Variants in GTF2H5 observed in about 807,000 individuals in gnomAD.
The protein encoded by GTF2H5 is general transcription factor IIH subunit 5, also known as TFB5 ortholog.
GTF2H5 carries 5 observed loss-of-function variants against 7.1 expected under a neutral mutation model. The ratio of observed to expected loss-of-function variants is 0.71; its 90% CI spans 0.37 to 1.49. GTF2H5 has a LOEUF of 1.49. Ranked by LOEUF, GTF2H5 falls within the 40% of genes most tolerant of loss-of-function variation. GTF2H5 has a pLI of 0.03. For missense variants in GTF2H5, 80 were observed against 83.0 expected, an observed-to-expected ratio of 0.96 and a Z score of 0.14; for synonymous variants, 30 against 31.7, an observed-to-expected ratio of 0.95 and a Z score of 0.18.
At chr6:158,169,778 T>C (rs367584881) in intron 1 of GTF2H5, among the ~76,000 whole-genome samples, 1 of 103,830 alleles carries the variant, frequency 9.6e-6, no homozygotes, top group Non-Finnish European at 1.8e-5. Context: ...ATATAATATA[T>C]TGTATATTAT....
rs1785765064 is a variant in GTF2H5 at position 158,169,579 on chromosome 6, ATATAT to A, written c.-34-890_-34-886del. On this transcript the variant is annotated intron_variant, in intron 1 of 2. Coordinates refer to ENST00000607778, the MANE Select transcript of GTF2H5 (RefSeq NM_207118.3). ...TATTATATATAATATATTGTATATT[ATATAT>A]AATATATTGTATATTACATATATTG... Among the ~76,000 whole-genome samples, 4 of 91,016 alleles carry A rather than the reference ATATAT, an allele frequency of 4.4e-5. No homozygotes were observed. In the Admixed American group the frequency reaches 6.0e-4, roughly 14 times the overall value. 59.7% of individuals were successfully genotyped at this position (91,016 alleles called of 152,430 possible). A position where few individuals can be genotyped will look rare whatever the true frequency, so the allele number is the denominator to read the frequency against.
At chr6:158,176,984 A>G (rs1325471884) in intron 2 of GTF2H5, among the ~76,000 whole-genome samples, 1 of 152,240 alleles carries the variant, frequency 6.6e-6, no homozygotes, top group East Asian at 1.9e-4. Context: ...TGGGTGGGCC[A>G]GGTGTTCCTT....
chr6:158,178,792 G>C (rs1785967933), intron 2 of GTF2H5, among the ~76,000 whole-genome samples: 2 of 152,178 alleles, frequency 1.3e-5, no homozygotes, highest in Non-Finnish European at 2.9e-5. Context: ...CTCCCATTCT[G>C]TAGGTTGCCT....
chr6:158,178,111 G>T (rs998445305), intron 2 of GTF2H5, among the ~76,000 whole-genome samples: 1 of 152,092 alleles, frequency 6.6e-6, no homozygotes, highest in Non-Finnish European at 1.5e-5. Flanking sequence ...GGGTCAAATG[G>T]TATTTCTAGT....
At position 158,198,915 on chromosome 6, in the gene GTF2H5, GGTTT is replaced by G. The variant is rs1465938356; in HGVS notation, c.*6763_*6766del. On this transcript the variant is annotated 3_prime_UTR_variant, in exon 3 of 3. Coordinates refer to ENST00000607778, the MANE Select transcript of GTF2H5 (RefSeq NM_207118.3). Reference sequence around the variant, plus strand: ...GAGTCTTCCTGATCTCTTCAAACGGGGTTTGTTTTGTTTTGCTTTGGGGAGAATT... The same window carrying G: ...GAGTCTTCCTGATCTCTTCAAACGGGGTTTTGTTTTGCTTTGGGGAGAATT... 2.6e-5 allele frequency: 4 copies of G among 151,950 alleles called. No homozygotes were observed. The highest frequency in any genetic ancestry group is 2.0e-4 in the Admixed American group (3 of 15,266). 9.4% of individuals were successfully genotyped at this position (151,950 alleles called of 1,614,324 possible). A position where few individuals can be genotyped will look rare whatever the true frequency, so the allele number is the denominator to read the frequency against.
At chr6:158,178,762 G>A (rs1275359657) in intron 2 of GTF2H5, among the ~76,000 whole-genome samples, 2 of 152,274 alleles carry the variant, frequency 1.3e-5, no homozygotes, top group South Asian at 4.1e-4. Context: ...CCCTTTGTCA[G>A]ACAGGTAGAT....
In GTF2H5 at chr6:158,196,867, C is replaced by G. The variant is rs1369849653; in HGVS notation, c.*4710C>G. 1.3e-5 allele frequency: 2 copies of G among 152,190 alleles called. No individual in the cohort carries two copies. Among genetic ancestry groups the G allele is most frequent in the African/African-American group, 2.4e-5 (1 of 41,426 alleles). The allele number at this position is 152,190 out of a possible 1,614,324, so 9.4% of individuals were successfully genotyped here. A position where few individuals can be genotyped will look rare whatever the true frequency, so the allele number is the denominator to read the frequency against. On this transcript the variant is annotated 3_prime_UTR_variant, in exon 3 of 3. Coordinates refer to ENST00000607778, the MANE Select transcript of GTF2H5 (RefSeq NM_207118.3). ...AGGAAAAAATTATCTCATTCATGCC[C>G]TACTTGAAGAGGACCAATGATTAAC...
chr6:158,169,411 A>ATATATATAATATATTG (rs1562467886), intron 1 of GTF2H5, among the ~76,000 whole-genome samples: 1 of 88,862 alleles, frequency 1.1e-5, no homozygotes, highest in African/African-American at 5.5e-5. Flanking sequence ...ATTGTATATT[A>ATATATATAATATATTG]TATATTATAT....
intron 1 of GTF2H5, among the ~76,000 whole-genome samples, chr6:158,169,838 T>TATACAC (rs1554267219): frequency 6.0e-5 from 7 of 116,214 alleles, no homozygotes; most frequent in Admixed American, 3.6e-4. Flanking sequence ...TGTATATATA[T>TATACAC]ACACACACAC....
chr6:158,169,430 T>C lies in GTF2H5; in HGVS notation c.-35+1035T>C, dbSNP rs1295618877. ...TATATTATATATTATATATAATATATTGTATATTATATATATTATATATTA... is the reference window on the plus strand; with the variant it reads ...TATATTATATATTATATATAATATACTGTATATTATATATATTATATATTA... On this transcript the variant is annotated intron_variant, in intron 1 of 2. Transcript: ENST00000607778. Among the ~76,000 whole-genome samples the C allele has an allele frequency of 6.4e-4, 40 of 62,256 alleles. 3 individuals are homozygous for C. The highest frequency in any genetic ancestry group is 2.4e-3 in the African/African-American group (32 of 13,324). The allele number at this position is 62,256 out of a possible 152,430, so 40.8% of individuals were successfully genotyped here.
intron 2 of GTF2H5, among the ~76,000 whole-genome samples, chr6:158,183,984 C>T (rs527284525): frequency 2.0e-5 from 3 of 151,554 alleles, no homozygotes; most frequent in East Asian, 2.0e-4. Context: ...TCTTCTGTGT[C>T]GATCTTGCTG....
In GTF2H5 at chr6:158,194,921, ATATC is replaced by A. The variant is rs1777085388; in HGVS notation, c.*2766_*2769del. 1 of 152,152 alleles carries A rather than the reference ATATC, an allele frequency of 6.6e-6. No individual in the cohort carries two copies. The highest frequency in any genetic ancestry group is 2.4e-5 in the African/African-American group (1 of 41,402). The allele number at this position is 152,152 out of a possible 1,614,324, so 9.4% of individuals were successfully genotyped here. A position where few individuals can be genotyped will look rare whatever the true frequency, so the allele number is the denominator to read the frequency against. On this transcript the variant is annotated 3_prime_UTR_variant, in exon 3 of 3. Transcript: ENST00000607778. ...AAAGTTGTGTTGGGGCAAATGTTAA[ATATC>A]TTTCTTTCTCTGGACATTATTAAGA...
Position 158,175,229 on chromosome 6 carries a change from T to C in GTF2H5, c.35+4691T>C, listed in dbSNP as rs111319981. The stretch of plus-strand genomic sequence containing the variant: ...TTCACAGTGAATAAGATGGGATTCT[T>C]GATAAATTAAAGTTTTAGTTTGAAA... On this transcript the variant is annotated intron_variant, in intron 2 of 2. Coordinates refer to ENST00000607778, the MANE Select transcript of GTF2H5 (RefSeq NM_207118.3). Among the ~76,000 whole-genome samples the C allele has an allele frequency of 4.6e-5, 7 of 152,278 alleles. 1 individual carries two copies. Among genetic ancestry groups the C allele is most frequent in the African/African-American group, 1.4e-4 (6 of 41,556 alleles).
intron 2 of GTF2H5, chr6:158,190,771 A>T (rs547810341): frequency 1.1e-5 from 4 of 374,720 alleles, no homozygotes; most frequent in South Asian, 8.0e-5. Context: ...ACACCAAAAG[A>T]TTATATGAGA....
chr6:158,192,103 G>C lies in GTF2H5; in HGVS notation c.162G>C (p.Gln54His), dbSNP rs757742467. 1.2e-6 allele frequency: 2 copies of C among 1,613,732 alleles called. No homozygotes were observed. The highest frequency in any genetic ancestry group is 1.7e-6 in the Non-Finnish European group (2 of 1,179,940). ...TAGCAGAATTGGTTAATGTCCTCCAGGAGCGAGTGGGTGAATTAATGGACC... is the reference window on the plus strand; with the variant it reads ...TAGCAGAATTGGTTAATGTCCTCCACGAGCGAGTGGGTGAATTAATGGACC... ...FVIAELVNVLQERVGELMDQN... is the reference protein window; with the variant it reads ...FVIAELVNVLHERVGELMDQN... Residue 54 changes from glutamine to histidine, a missense_variant, in exon 3 of 3, where the codon CAG (glutamine) becomes CAC (histidine). Physicochemically the swap from Gln to His is conservative, Grantham distance 24 (BLOSUM62 0). Coordinates refer to ENST00000607778, the MANE Select transcript of GTF2H5 (RefSeq NM_207118.3).
intron 1 of GTF2H5, among the ~76,000 whole-genome samples, chr6:158,169,570 T>A (rs181695939): frequency 1.6e-5 from 1 of 62,280 alleles, no homozygotes; most frequent in Non-Finnish European, 2.5e-5. Flanking sequence ...ATATAATATA[T>A]TGTATATTAT....
At chr6:158,177,475 T>C (rs1389933459) in intron 2 of GTF2H5, among the ~76,000 whole-genome samples, 1 of 152,184 alleles carries the variant, frequency 6.6e-6, no homozygotes, top group Admixed American at 6.5e-5. Context: ...TGGGGACTTT[T>C]TGATTAGGCA....
intron 2 of GTF2H5, among the ~76,000 whole-genome samples, chr6:158,179,004 T>C (rs1388241394): frequency 6.6e-6 from 1 of 152,204 alleles, no homozygotes; most frequent in East Asian, 1.9e-4. Flanking sequence ...CTTTGATCCA[T>C]CTTGAGTTGA....
chr6:158,187,629 G>T (rs1409290812), intron 2 of GTF2H5, among the ~76,000 whole-genome samples: 10 of 152,038 alleles, frequency 6.6e-5, no homozygotes, highest in Admixed American at 5.2e-4. Context: ...GTTCAGTGGC[G>T]CGATCTTGGC....
Sources: gnomAD v4.1 joint callset for allele counts (sites outside exome capture counted in the v4.1 genomes callset) on GRCh38, gnomAD v4.1.1 for gene constraint, MANE v1.5 for transcripts, NCBI Gene and HGNC (gene_info 2026-07-23, HGNC 2026-07-21) for gene names.